The following PPP3R1 variants were observed in gnomAD, a reference collection of about 807,000 sequenced individuals.
PPP3R1 encodes the protein calcineurin subunit B type 1.
A neutral mutation model predicts 22.6 loss-of-function variants in PPP3R1; 5 were observed. That is an observed-to-expected ratio of 0.22 (90% CI 0.12 to 0.46). PPP3R1 has a LOEUF of 0.46. PPP3R1 is among the 20% of genes least tolerant of loss of function. The pLI is 0.99. For missense variants in PPP3R1, 61 were observed against 203.2 expected, an observed-to-expected ratio of 0.30 and a Z score of 4.25; for synonymous variants, 56 against 65.2, an observed-to-expected ratio of 0.86 and a Z score of 0.68.
At chr2:68,198,212 A>G (rs1023322112) in intron 2 of PPP3R1, among the ~76,000 whole-genome samples, 1 of 137,712 alleles carries the variant, frequency 7.3e-6, no homozygotes, top group Non-Finnish European at 1.6e-5. Flanking sequence ...ATGTGCATAC[A>G]TATATACATT....
In PPP3R1 at chr2:68,187,896, G is replaced by A. The variant is rs142240281; in HGVS notation, c.221-582C>T. The stretch of plus-strand genomic sequence containing the variant: ...ACAAAAAAAAAAACTGGCTTGGCGC[G>A]GTGGCTCATGCCTGTAATCCCAGCA... On this transcript the variant is annotated intron_variant, in intron 3 of 5. Coordinates refer to ENST00000234310, the MANE Select transcript of PPP3R1 (RefSeq NM_000945.4). Among the ~76,000 whole-genome samples, 1,176 of 152,168 alleles carry A rather than the reference G, an allele frequency of 7.7e-3. 8 individuals are homozygous for A. Among genetic ancestry groups the A allele is most frequent in the African/African-American group, 0.027 (1,124 of 41,536 alleles).
chr2:68,235,633 G>C (rs535635145), intron 1 of PPP3R1, among the ~76,000 whole-genome samples: 1 of 151,724 alleles, frequency 6.6e-6, no homozygotes, highest in African/African-American at 2.4e-5. Flanking sequence ...TTCCATTTTT[G>C]GCCATTATGA....
chr2:68,220,362 C>T (rs553201292), intron 1 of PPP3R1, among the ~76,000 whole-genome samples: 1 of 152,282 alleles, frequency 6.6e-6, no homozygotes, highest in East Asian at 1.9e-4. Context: ...AGAGGAAACT[C>T]CCCAAGTCCA....
At chr2:68,223,601 T>C (rs941105940) in intron 1 of PPP3R1, among the ~76,000 whole-genome samples, 1 of 151,856 alleles carries the variant, frequency 6.6e-6, no homozygotes, top group Non-Finnish European at 1.5e-5. Flanking sequence ...AAAAACCACA[T>C]GGCCAACCAA....
chr2:68,207,254 G>A (rs1675148891), intron 2 of PPP3R1, among the ~76,000 whole-genome samples: 1 of 147,426 alleles, frequency 6.8e-6, no homozygotes, highest in Non-Finnish European at 1.5e-5. Context: ...AGATTCTAGT[G>A]AACCAAGCAG....
At chr2:68,188,069 CT>C (rs1674584272) in intron 3 of PPP3R1, among the ~76,000 whole-genome samples, 1 of 152,126 alleles carries the variant, frequency 6.6e-6, no homozygotes. Flanking sequence ...ACTCAAGAGG[CT>C]GAGACAGGAG....
chr2:68,189,482 C>A (rs974442998), intron 2 of PPP3R1, among the ~76,000 whole-genome samples: 3 of 152,184 alleles, frequency 2.0e-5, no homozygotes, highest in Non-Finnish European at 4.4e-5. Context: ...TTCTAAATTA[C>A]ATCATTTTCA....
chr2:68,211,048 C>T (rs1669470557), intron 2 of PPP3R1, among the ~76,000 whole-genome samples: 1 of 152,134 alleles, frequency 6.6e-6, no homozygotes, highest in Admixed American at 6.5e-5. Context: ...TTACGTATTA[C>T]TGTTGTCTAC....
chr2:68,252,343 T>G lies in PPP3R1; in HGVS notation c.-216A>C, dbSNP rs1670386658. The G allele has an allele frequency of 9.9e-7, 1 of 1,008,532 alleles. No homozygotes were observed. Among genetic ancestry groups the G allele is most frequent in the African/African-American group, 1.8e-5 (1 of 56,282 alleles). 62.5% of individuals were successfully genotyped at this position (1,008,532 alleles called of 1,614,324 possible). A position where few individuals can be genotyped will look rare whatever the true frequency, so the allele number is the denominator to read the frequency against. On this transcript the variant is annotated 5_prime_UTR_variant, in exon 1 of 6. Transcript: ENST00000234310. ...GCGGGCAGGGTAGGGGGAAATAAAT[T>G]AAGGTCGAGATTCAGAGCCGGAGAG...
rs143965973 is a variant in PPP3R1 at position 68,193,766 on chromosome 2, C to T, written c.44-5076G>A. 9.2e-5 allele frequency among the ~76,000 whole-genome samples: 14 copies of T among 152,208 alleles called. No individual in the cohort carries two copies. The East Asian group carries it at 1.9e-3, about 21-fold the overall frequency. The stretch of plus-strand genomic sequence containing the variant: ...TTAGCAATCACCTACAAATTAGGAA[C>T]AGATCTCTAAAGCAGATCAAACCCA... On this transcript the variant is annotated intron_variant, in intron 2 of 5. Coordinates refer to ENST00000234310, the MANE Select transcript of PPP3R1 (RefSeq NM_000945.4).
intron 1 of PPP3R1, among the ~76,000 whole-genome samples, chr2:68,232,537 A>G (rs1013840002): frequency 1.3e-5 from 2 of 152,028 alleles, no homozygotes; most frequent in Non-Finnish European, 2.9e-5. Flanking sequence ...AAACTCATAC[A>G]GCAACAGAAC....
intron 2 of PPP3R1, among the ~76,000 whole-genome samples, chr2:68,195,616 T>C (rs540680865): frequency 1.3e-4 from 20 of 152,280 alleles, no homozygotes; most frequent in African/African-American, 4.6e-4. Flanking sequence ...CTGCCACATT[T>C]ATTACCGTGG....
Position 68,185,988 on chromosome 2 carries a change from A to G in PPP3R1, c.465+480T>C, listed in dbSNP as rs142034607. Among the ~76,000 whole-genome samples the G allele has an allele frequency of 6.6e-5, 10 of 151,800 alleles. No individual in the cohort carries two copies. In the South Asian group the frequency reaches 1.0e-3, roughly 16 times the overall value. ...TATATGATTTACATTTAAAAATAAA[A>G]AGGAGGAAGAAAATCTTTCTATGGA... On this transcript the variant is annotated intron_variant, in intron 5 of 5. Transcript: ENST00000234310.
chr2:68,191,740 T>C (rs17035109), intron 2 of PPP3R1, among the ~76,000 whole-genome samples: 6,326 of 152,302 alleles, frequency 0.042, 375 homozygotes, highest in African/African-American at 0.14. Flanking sequence ...AAAAAGATCA[T>C]ATAAGCACTT....
intron 1 of PPP3R1, among the ~76,000 whole-genome samples, chr2:68,220,321 A>C (rs767781795): frequency 1.3e-5 from 2 of 152,188 alleles, no homozygotes; most frequent in Non-Finnish European, 2.9e-5. Flanking sequence ...AGATCTGCAT[A>C]AAAGTCTCCT....
chr2:68,183,823 T>C (rs1674473886), intron 5 of PPP3R1, among the ~76,000 whole-genome samples: 1 of 152,206 alleles, frequency 6.6e-6, no homozygotes, highest in African/African-American at 2.4e-5. Context: ...TTGGCTTTGC[T>C]TCTGTAGAAA....
chr2:68,210,570 G>A (rs1376659377), intron 2 of PPP3R1, among the ~76,000 whole-genome samples: 1 of 152,126 alleles, frequency 6.6e-6, no homozygotes, highest in Admixed American at 6.5e-5. Flanking sequence ...CCATTACTTT[G>A]AAAGTGTGCA....
intron 2 of PPP3R1, among the ~76,000 whole-genome samples, chr2:68,206,669 T>C (rs561316228): frequency 1.3e-5 from 2 of 152,318 alleles, no homozygotes; most frequent in East Asian, 1.9e-4. Flanking sequence ...AGGTCATTTT[T>C]CCTCCTTGGA....
At chr2:68,213,162 T>C (rs1410169161) in intron 2 of PPP3R1, among the ~76,000 whole-genome samples, 1 of 152,238 alleles carries the variant, frequency 6.6e-6, no homozygotes, top group East Asian at 1.9e-4. Context: ...ACTATTAATT[T>C]CCTTTAAGAA....
Sources: gnomAD v4.1 joint callset for allele counts (sites outside exome capture counted in the v4.1 genomes callset) on GRCh38, gnomAD v4.1.1 for gene constraint, MANE v1.5 for transcripts, NCBI Gene and HGNC (gene_info 2026-07-23, HGNC 2026-07-21) for gene names.